The following GSE1 variants were observed in gnomAD, a reference collection of about 807,000 sequenced individuals.
GSE1 encodes Gse1 coiled-coil protein, also known as genetic suppressor element 1.
In GSE1, 32 loss-of-function variants were observed where a neutral mutation model predicts 112.6. The ratio of observed to expected loss-of-function variants is 0.28; its 90% CI spans 0.21 to 0.38. GSE1 has a LOEUF of 0.38. Among genes scored for constraint, GSE1 ranks in the 10% least tolerant of loss-of-function variants. GSE1 has a pLI of 1.00. For missense variants in GSE1, 2,348 were observed against 1,699.2 expected (o/e 1.38, Z -6.71); for synonymous variants, 1,115 against 735.6 (o/e 1.52, Z -8.35).
chr16:85,377,841 G>C (rs1018895182), intron 2 of GSE1, among the ~76,000 whole-genome samples: 1 of 152,228 alleles, frequency 6.6e-6, no homozygotes, highest in African/African-American at 2.4e-5. Context: ...TGCAGGAGCT[G>C]GGGGGAGGGC....
At chr16:85,428,931 G>A (rs543312077) in intron 2 of GSE1, among the ~76,000 whole-genome samples, 135 of 152,304 alleles carry the variant, frequency 8.9e-4, no homozygotes, top group African/African-American at 3.2e-3. Flanking sequence ...GTCCTGGGCA[G>A]CTGGAGTGAG....
At chr16:85,259,805 G>A (rs34662890) in intron 1 of GSE1, among the ~76,000 whole-genome samples, 21,592 of 152,222 alleles carry the variant, frequency 0.14, 1,625 homozygotes, top group African/African-American at 0.17. Context: ...TGCAGTGATG[G>A]GCGCATGGGG....
rs1259097030 is a variant in GSE1, at chr16:85,419,249, G to T, written c.2464+61606G>T. Among the ~76,000 whole-genome samples the T allele has an allele frequency of 6.6e-6, 1 of 152,112 alleles. No homozygotes were observed. Among genetic ancestry groups the T allele is most frequent in the African/African-American group, 2.4e-5 (1 of 41,410 alleles). On this transcript the variant is annotated intron_variant, in intron 2 of 2. Coordinates refer to the GSE1 transcript ENST00000637419. The surrounding 1 kb of genome is among the most constrained non-coding windows in gnomAD (Gnocchi z 6.5). ...GTGCCCGGGCCCTGCCCTTACAAAAGGTTCACCTCATAGAGGGCGCTAGAG... is the reference window on the plus strand; with the variant it reads ...GTGCCCGGGCCCTGCCCTTACAAAATGTTCACCTCATAGAGGGCGCTAGAG...
intron 2 of GSE1, among the ~76,000 whole-genome samples, chr16:85,536,441 A>G (rs1416617688): frequency 6.6e-6 from 1 of 152,224 alleles, no homozygotes; most frequent in Non-Finnish European, 1.5e-5. Context: ...GAGGGTCTCC[A>G]GGGTGTTCCC....
chr16:85,543,942 A>G (rs566696170), intron 2 of GSE1, among the ~76,000 whole-genome samples: 1 of 152,292 alleles, frequency 6.6e-6, no homozygotes, highest in African/African-American at 2.4e-5. Context: ...AGCTCAAGCA[A>G]TCCTCCTGCC....
chr16:85,470,968 C>T (rs1490182657), intron 2 of GSE1, among the ~76,000 whole-genome samples: 1 of 152,248 alleles, frequency 6.6e-6, no homozygotes, highest in Non-Finnish European at 1.5e-5. Context: ...TGCCATCTGG[C>T]AGACACGCGG....
chr16:85,347,773 G>A (rs2046773267), intron 1 of GSE1, among the ~76,000 whole-genome samples: 1 of 135,904 alleles, frequency 7.4e-6, no homozygotes, highest in East Asian at 2.0e-4. Flanking sequence ...AGTGGCTGCG[G>A]GCATTGCAAA....
At chr16:85,394,478 G>C (rs2047921571) in intron 2 of GSE1, among the ~76,000 whole-genome samples, 1 of 152,158 alleles carries the variant, frequency 6.6e-6, no homozygotes, top group African/African-American at 2.4e-5. Flanking sequence ...CGAATGATTT[G>C]GGTGGTTCCT....
chr16:85,632,966 G>C (rs1452577903), intron 1 of GSE1, among the ~76,000 whole-genome samples: 3 of 152,190 alleles, frequency 2.0e-5, no homozygotes, highest in East Asian at 1.9e-4. Flanking sequence ...CCTTTCCCCA[G>C]TGGTTCTGAT....
At chr16:85,613,286 A>AGCT (rs2048117891), upstream of GSE1, 9 of 1,537,652 alleles carry the variant, frequency 5.9e-6, no homozygotes, top group Non-Finnish European at 7.9e-6. Flanking sequence ...AGCGGGCCCG[A>AGCT]GCTGCCGCCG....
intron 1 of GSE1, among the ~76,000 whole-genome samples, chr16:85,213,205 G>A (rs1201461829): frequency 6.7e-6 from 1 of 149,862 alleles, no homozygotes; most frequent in Admixed American, 6.7e-5. Flanking sequence ...GGAGGCAGAG[G>A]TTGCAGTGAG....
intron 1 of GSE1, among the ~76,000 whole-genome samples, chr16:85,235,466 G>GTGTT (rs1904515406): frequency 6.0e-5 from 9 of 148,926 alleles, no homozygotes; most frequent in Admixed American, 6.0e-4. Context: ...GTGTGTGTGT[G>GTGTT]TGTGTAGGGG....
chr16:85,649,104 G>C (rs1294930303), intron 3 of GSE1, among the ~76,000 whole-genome samples: 1 of 152,036 alleles, frequency 6.6e-6, no homozygotes. Context: ...CTTCTCCCTG[G>C]GTCGTCTGTG....
intron 1 of GSE1, among the ~76,000 whole-genome samples, chr16:85,219,807 C>T (rs1395937992): frequency 1.3e-5 from 2 of 152,214 alleles, no homozygotes; most frequent in Non-Finnish European, 2.9e-5. Context: ...GCTTTATGCC[C>T]AGTTTACAGA....
chr16:85,444,152 T>C (rs933437846), intron 2 of GSE1, among the ~76,000 whole-genome samples: 1 of 151,960 alleles, frequency 6.6e-6, no homozygotes, highest in Admixed American at 6.6e-5. Context: ...GTCCAGCTAA[T>C]TTTTGTATTT....
At chr16:85,507,951 A>C (rs1039499584) in intron 2 of GSE1, among the ~76,000 whole-genome samples, 2 of 152,130 alleles carry the variant, frequency 1.3e-5, no homozygotes, top group East Asian at 3.9e-4. Flanking sequence ...GGGCCCCTGC[A>C]TGACAAAGAG....
At chr16:85,463,287 C>T (rs979849667) in intron 2 of GSE1, among the ~76,000 whole-genome samples, 4 of 152,220 alleles carry the variant, frequency 2.6e-5, no homozygotes, top group African/African-American at 7.2e-5. Flanking sequence ...TCCCCAGCGC[C>T]GCCTCCTCAT....
intron 1 of GSE1, among the ~76,000 whole-genome samples, chr16:85,274,347 T>C (rs1293509119): frequency 6.6e-6 from 1 of 152,090 alleles, no homozygotes; most frequent in East Asian, 1.9e-4. Flanking sequence ...ATCACGCCAC[T>C]GCACTCCAGC....
intron 3 of GSE1, among the ~76,000 whole-genome samples, chr16:85,652,237 C>G (rs1379244911): frequency 2.0e-5 from 3 of 152,234 alleles, no homozygotes; most frequent in Non-Finnish European, 4.4e-5. Flanking sequence ...CGGGCACATG[C>G]CATTGATGTG....
Sources: allele counts gnomAD v4.1 joint callset (sites outside exome capture counted in the v4.1 genomes callset), GRCh38; gene constraint gnomAD v4.1.1; non-coding constraint Gnocchi (gnomAD v3.1); transcripts MANE v1.5; gene names NCBI Gene and HGNC (gene_info 2026-07-23, HGNC 2026-07-21).